Variants in PPP2R2C observed in about 807,000 individuals in gnomAD.
PPP2R2C encodes the protein protein phosphatase 2 regulatory subunit Bgamma.
A neutral mutation model predicts 45.3 loss-of-function variants in PPP2R2C; 10 were observed. The ratio of observed to expected loss-of-function variants is 0.22; its 90% CI spans 0.14 to 0.37. PPP2R2C has a LOEUF of 0.37. Among genes scored for constraint, PPP2R2C ranks in the 10% least tolerant of loss-of-function variants. The probability of loss-of-function intolerance (pLI) is 1.00; values close to 1 mark genes in which losing one functional copy is unlikely to be tolerated. For missense variants in PPP2R2C, 308 were observed against 619.7 expected (o/e 0.50, Z 5.34); for synonymous variants, 257 against 245.4 (o/e 1.05, Z -0.44).
chr4:6,360,841 T>C (rs187168283), intron 5 of PPP2R2C, among the ~76,000 whole-genome samples: 20 of 152,234 alleles, frequency 1.3e-4, no homozygotes, highest in Admixed American at 7.2e-4. Flanking sequence ...AATAACACGG[T>C]GTTAGCAGGG....
intron 1 of PPP2R2C, among the ~76,000 whole-genome samples, chr4:6,425,648 C>T (rs1719243705): frequency 6.6e-6 from 1 of 152,216 alleles, no homozygotes; most frequent in Non-Finnish European, 1.5e-5. Flanking sequence ...GTTGCAATTT[C>T]CCCTTCATCA....
intron 2 of PPP2R2C, among the ~76,000 whole-genome samples, chr4:6,493,132 T>G (rs2094462190): frequency 6.6e-6 from 1 of 152,114 alleles, no homozygotes; most frequent in South Asian, 2.1e-4. Flanking sequence ...GCACAAGACT[T>G]GACTCAAATG....
At chr4:6,419,976 C>T (rs879525050) in intron 1 of PPP2R2C, among the ~76,000 whole-genome samples, 11 of 152,178 alleles carry the variant, frequency 7.2e-5, no homozygotes, top group Non-Finnish European at 1.3e-4. Flanking sequence ...ACCCTATTTC[C>T]AAATAAGGTC....
intron 6 of PPP2R2C, among the ~76,000 whole-genome samples, chr4:6,341,069 C>T (rs1733404320): frequency 6.6e-6 from 1 of 152,318 alleles, no homozygotes; most frequent in African/African-American, 2.4e-5. Flanking sequence ...AGGTGGGGGG[C>T]GGTGGCTCAC....
intron 5 of PPP2R2C, chr4:6,349,693 T>G (rs1185811160): frequency 2.8e-5 from 22 of 780,886 alleles, no homozygotes; most frequent in Non-Finnish European, 3.3e-5. Context: ...CAAAAAGAAA[T>G]TAGTTGGAGA....
chr4:6,541,434 A>G (rs1013538047), intron 1 of PPP2R2C, among the ~76,000 whole-genome samples: 2 of 152,162 alleles, frequency 1.3e-5, no homozygotes, highest in Non-Finnish European at 2.9e-5. Context: ...TGTCCACCAC[A>G]TAGGTTCCCT....
intron 1 of PPP2R2C, among the ~76,000 whole-genome samples, chr4:6,437,084 G>A (rs754706352): frequency 2.6e-5 from 4 of 152,188 alleles, no homozygotes; most frequent in Admixed American, 1.3e-4. Context: ...TTGCCAGCAC[G>A]CCACAGTCCC....
intron 1 of PPP2R2C, among the ~76,000 whole-genome samples, chr4:6,464,404 T>C (rs1284031149): frequency 6.6e-6 from 1 of 152,118 alleles, no homozygotes; most frequent in East Asian, 1.9e-4. Flanking sequence ...TCCTGAGAAG[T>C]AGCTAGGTCC....
intron 1 of PPP2R2C, among the ~76,000 whole-genome samples, chr4:6,464,873 T>G (rs1577203461): frequency 1.8e-5 from 2 of 113,220 alleles, no homozygotes; most frequent in Admixed American, 1.3e-4. Context: ...AATAAGAAAG[T>G]GTGTGGGGGA....
intron 1 of PPP2R2C, chr4:6,413,960 C>A (rs1320928357): frequency 6.5e-7 from 1 of 1,536,056 alleles, no homozygotes; most frequent in Admixed American, 2.0e-5. Context: ...GAGGCTGCTC[C>A]CTGGTGGCTC....
chr4:6,463,667 G>GT (rs1482872615), intron 1 of PPP2R2C, among the ~76,000 whole-genome samples: 2 of 152,228 alleles, frequency 1.3e-5, no homozygotes, highest in African/African-American at 2.4e-5. Context: ...CAGGGGACAA[G>GT]TGTTATGCCA....
At chr4:6,496,769 G>A (rs990391016) in intron 2 of PPP2R2C, among the ~76,000 whole-genome samples, 9 of 152,198 alleles carry the variant, frequency 5.9e-5, no homozygotes, top group Admixed American at 5.9e-4. Context: ...GCTGAGGCAT[G>A]AGAATCACTT....
chr4:6,562,379 T>C lies in PPP2R2C; in HGVS notation c.-59+1181A>G, dbSNP rs528559432. 4.2e-3 allele frequency among the ~76,000 whole-genome samples: 640 copies of C among 151,456 alleles called. 3 individuals are homozygous for C. Among genetic ancestry groups the C allele is most frequent in the African/African-American group, 0.015 (612 of 41,256 alleles). On this transcript the variant is annotated intron_variant, in intron 1 of 9. Transcript: ENST00000506140. Reference sequence around the variant, plus strand: ...CCTCTGGAGCTCTCCCACTGGCAGCTGTGTGGCCTCGGGCAAGTTACTTAA... The same window carrying C: ...CCTCTGGAGCTCTCCCACTGGCAGCCGTGTGGCCTCGGGCAAGTTACTTAA...
At chr4:6,369,479 T>C (rs1306077671) in intron 5 of PPP2R2C, among the ~76,000 whole-genome samples, 1 of 152,242 alleles carries the variant, frequency 6.6e-6, no homozygotes, top group Non-Finnish European at 1.5e-5. Flanking sequence ...GCAACTTGAC[T>C]TAAAGAAAAC....
intron 2 of PPP2R2C, among the ~76,000 whole-genome samples, chr4:6,511,276 A>G (rs1232126629): frequency 9.2e-5 from 13 of 141,800 alleles, no homozygotes; most frequent in Non-Finnish European, 1.7e-4. Context: ...GCTGATGCTG[A>G]TGCTGATGCT....
At chr4:6,548,694 T>C (rs540964694) in intron 1 of PPP2R2C, among the ~76,000 whole-genome samples, 2 of 152,268 alleles carry the variant, frequency 1.3e-5, no homozygotes, top group East Asian at 3.9e-4. Context: ...AGTCCTGGTG[T>C]GTGCAGAAAT....
chr4:6,334,207 G>A (rs1732647448), intron 6 of PPP2R2C, among the ~76,000 whole-genome samples: 1 of 152,142 alleles, frequency 6.6e-6, no homozygotes, highest in South Asian at 2.1e-4. Context: ...CTCTGTTCAT[G>A]GTGTCCTGGG....
At chr4:6,454,405 A>T (rs1448264213) in intron 1 of PPP2R2C, among the ~76,000 whole-genome samples, 2 of 152,244 alleles carry the variant, frequency 1.3e-5, no homozygotes, top group Non-Finnish European at 2.9e-5. Context: ...AGCAGCTTCC[A>T]CCTGGGTATC....
intron 2 of PPP2R2C, among the ~76,000 whole-genome samples, chr4:6,527,502 C>G (rs993909220): frequency 6.6e-6 from 1 of 152,224 alleles, no homozygotes; most frequent in Non-Finnish European, 1.5e-5. Context: ...GTGCCCCAAC[C>G]AACATGTGCC....
Sources: allele counts gnomAD v4.1 joint callset (sites outside exome capture counted in the v4.1 genomes callset), GRCh38; gene constraint gnomAD v4.1.1; transcripts MANE v1.5; gene names NCBI Gene and HGNC (gene_info 2026-07-23, HGNC 2026-07-21).